The following NR2F1-AS1 variants were observed in gnomAD, a reference collection of about 807,000 sequenced individuals.
The protein encoded by NR2F1-AS1 is NR2F1 antisense RNA 1.
chr5:93,486,280 AT>A (rs1248417537), intron 4 of NR2F1-AS1, among the ~76,000 whole-genome samples: 8 of 151,588 alleles, frequency 5.3e-5, no homozygotes, highest in South Asian at 2.1e-4. Context: ...AAATTAATTA[AT>A]TTTTTTAAAA....
At chr5:93,584,620 G>C (rs745337451), upstream of NR2F1-AS1, 7 of 148,758 alleles carry the variant, frequency 4.7e-5, no homozygotes, top group South Asian at 2.1e-4. Flanking sequence ...TTGCTCGCCG[G>C]GGGGTGGGGA....
At chr5:93,583,619 T>G (rs1387706243), upstream of NR2F1-AS1, 1 of 151,054 alleles carries the variant, frequency 6.6e-6, no homozygotes, top group Non-Finnish European at 1.5e-5. Flanking sequence ...GGAGGGAGGG[T>G]GTTGGTTGCC....
intron 4 of NR2F1-AS1, among the ~76,000 whole-genome samples, chr5:93,545,410 T>C (rs1424298852): frequency 6.6e-6 from 1 of 152,220 alleles, no homozygotes; most frequent in Non-Finnish European, 1.5e-5. Flanking sequence ...CTTGGTTATT[T>C]GACAAGCATT....
chr5:93,434,203 G>T lies in NR2F1-AS1; in HGVS notation n.639-38661C>A, dbSNP rs138801593. On this transcript the variant is annotated intron_variant and non_coding_transcript_variant, in intron 4 of 5. Coordinates refer to ENST00000660523, the Ensembl canonical transcript of NR2F1-AS1. Reference sequence around the variant, plus strand: ...TAGAAGGGATGATCAGTTTAGTGCAGTGATCTTCAAATTATATTCAGGGGT... The same window carrying T: ...TAGAAGGGATGATCAGTTTAGTGCATTGATCTTCAAATTATATTCAGGGGT... Among the ~76,000 whole-genome samples, 233 of 152,148 alleles carry T rather than the reference G, an allele frequency of 1.5e-3. 1 individual carries two copies. The highest frequency in any genetic ancestry group is 5.2e-3 in the African/African-American group (217 of 41,508).
At chr5:93,454,980 TAG>T (rs1252956735) in intron 4 of NR2F1-AS1, among the ~76,000 whole-genome samples, 2 of 151,860 alleles carry the variant, frequency 1.3e-5, no homozygotes, top group East Asian at 1.9e-4. Flanking sequence ...TTTACTGAAG[TAG>T]AGTGTTTCCC....
intron 4 of NR2F1-AS1, among the ~76,000 whole-genome samples, chr5:93,414,956 A>C (rs973833530): frequency 6.6e-6 from 1 of 152,198 alleles, no homozygotes; most frequent in Admixed American, 6.5e-5. Flanking sequence ...ATGCCCTTAA[A>C]GAGAACACTT....
At chr5:93,450,712 A>G (rs1330542150) in intron 4 of NR2F1-AS1, among the ~76,000 whole-genome samples, 1 of 151,800 alleles carries the variant, frequency 6.6e-6, no homozygotes, top group Non-Finnish European at 1.5e-5. Flanking sequence ...TTAAAATCAA[A>G]CAGGATTGTT....
rs1169154680 is a variant in NR2F1-AS1, at chr5:93,466,916, G to GC, written n.639-71375_639-71374insG. 1.2e-4 allele frequency among the ~76,000 whole-genome samples: 15 copies of GC among 123,102 alleles called. 3 individuals carry two copies. Among genetic ancestry groups the GC allele is most frequent in the Admixed American group, 7.4e-4 (9 of 12,114 alleles). 80.8% of individuals were successfully genotyped at this position (123,102 alleles called of 152,430 possible). The stretch of plus-strand genomic sequence containing the variant: ...AATATCCCTTTTTTGGGGGGGGGGG[G>GC]GGTGGACGGAGTCTCACTGTGGTGC... On this transcript the variant is annotated intron_variant and non_coding_transcript_variant, in intron 4 of 5. Coordinates refer to ENST00000660523, the Ensembl canonical transcript of NR2F1-AS1.
intron 4 of NR2F1-AS1, among the ~76,000 whole-genome samples, chr5:93,462,278 G>A (rs187250315): frequency 9.8e-4 from 149 of 152,128 alleles, no homozygotes; most frequent in Non-Finnish European, 1.9e-3. Context: ...TAAGTCTCAC[G>A]AGATCTGATG....
At chr5:93,553,676 T>G (rs1016491534) in intron 4 of NR2F1-AS1, 2 of 152,196 alleles carry the variant, frequency 1.3e-5, no homozygotes, top group African/African-American at 4.8e-5. Context: ...AAAACAAAGT[T>G]TAAGACAAAC....
At chr5:93,442,335 C>T (rs545568003) in intron 4 of NR2F1-AS1, among the ~76,000 whole-genome samples, 3 of 152,314 alleles carry the variant, frequency 2.0e-5, no homozygotes, top group Admixed American at 1.3e-4. Flanking sequence ...TCGGGACACC[C>T]TCACCCTAAT....
intron 4 of NR2F1-AS1, among the ~76,000 whole-genome samples, chr5:93,450,917 A>AC (rs1749814021): frequency 9.5e-6 from 1 of 105,054 alleles, no homozygotes; most frequent in African/African-American, 6.4e-5. Context: ...TCTGCTTCAA[A>AC]AAAAAAAAAA....
intron 4 of NR2F1-AS1, among the ~76,000 whole-genome samples, chr5:93,458,314 A>G (rs1749999153): frequency 6.6e-6 from 1 of 152,200 alleles, no homozygotes; most frequent in South Asian, 2.1e-4. Context: ...ATCATAACCA[A>G]TATGATGTGA....
At chr5:93,443,203 G>A (rs374681313) in intron 4 of NR2F1-AS1, among the ~76,000 whole-genome samples, 4 of 152,318 alleles carry the variant, frequency 2.6e-5, no homozygotes, top group Non-Finnish European at 5.9e-5. Context: ...TGACTTTGAC[G>A]AGTTGAGAGA....
At chr5:93,530,904 A>G (rs1369701254) in intron 4 of NR2F1-AS1, among the ~76,000 whole-genome samples, 1 of 149,290 alleles carries the variant, frequency 6.7e-6, no homozygotes, top group Non-Finnish European at 1.5e-5. Flanking sequence ...ATTTTTTTTG[A>G]AAAAAAATAA....
rs151063583 is a variant in NR2F1-AS1, at chr5:93,501,639, C to T, written n.638+52122G>A. ...AAAGTGCTGAGATTACAGGTATGAG[C>T]CACCATACCCTGCCAAAAGTGGTTT... On this transcript the variant is annotated intron_variant and non_coding_transcript_variant, in intron 4 of 5. Transcript: ENST00000660523. Among the ~76,000 whole-genome samples, 22 of 152,232 alleles carry T rather than the reference C, an allele frequency of 1.4e-4. No individual in the cohort carries two copies. In the Middle Eastern group the frequency reaches 0.014, roughly 94 times the overall value.
intron 1 of NR2F1-AS1, among the ~76,000 whole-genome samples, chr5:93,580,094 G>T (rs1201302252): frequency 2.0e-5 from 3 of 152,248 alleles, no homozygotes; most frequent in Admixed American, 6.5e-5. Context: ...GCACCAGCAG[G>T]AACAGCCGGG....
At chr5:93,411,616 C>T (rs192760089) in intron 4 of NR2F1-AS1, 24 of 152,280 alleles carry the variant, frequency 1.6e-4, no homozygotes, top group African/African-American at 4.8e-4. Context: ...TTTCGCTCAA[C>T]ATTTCAAAAA....
At chr5:93,572,036 T>C (rs1394834152) in intron 1 of NR2F1-AS1, among the ~76,000 whole-genome samples, 1 of 152,088 alleles carries the variant, frequency 6.6e-6, no homozygotes, top group African/African-American at 2.4e-5. Flanking sequence ...TGGGGTGGGA[T>C]AGTGCGCAGG....
Sources: allele counts gnomAD v4.1 joint callset (sites outside exome capture counted in the v4.1 genomes callset), GRCh38; gene constraint gnomAD v4.1.1; transcripts MANE v1.5; gene names NCBI Gene and HGNC (gene_info 2026-07-23, HGNC 2026-07-21).